ADARB2: variants seen among roughly 807,000 people sequenced by gnomAD.
The protein encoded by ADARB2 is adenosine deaminase RNA specific B2 (inactive), also known as inactive double-stranded RNA-specific editase B2.
A neutral mutation model predicts 62.2 loss-of-function variants in ADARB2; 25 were observed. The observed-to-expected ratio is 0.40, with a 90% confidence interval of 0.29 to 0.56. The LOEUF is 0.56. Among genes scored for constraint, ADARB2 ranks in the 20% least tolerant of loss-of-function variants. The pLI, the probability that ADARB2 is intolerant of heterozygous loss-of-function variation, is 0.43. For synonymous variants in ADARB2, 572 were observed against 500.8 expected, an observed-to-expected ratio of 1.14 and a Z score of -1.90; for missense variants, 1,071 against 1,077.4, an observed-to-expected ratio of 0.99 and a Z score of 0.08.
chr10:1,489,003 T>C (rs751943849), intron 1 of ADARB2, among the ~76,000 whole-genome samples: 1 of 152,238 alleles, frequency 6.6e-6, no homozygotes, highest in Non-Finnish European at 1.5e-5. Context: ...ATTGTGCAGC[T>C]TCAGGGGGCA....
chr10:1,509,271 C>T (rs1831892439), intron 1 of ADARB2, among the ~76,000 whole-genome samples: 2 of 152,304 alleles, frequency 1.3e-5, no homozygotes, highest in South Asian at 4.1e-4. Flanking sequence ...TATGACCTCA[C>T]TGTCGGAGAT....
chr10:1,493,016 G>A lies in ADARB2; in HGVS notation c.101-113856C>T, dbSNP rs1351576609. Among the ~76,000 whole-genome samples, 4 of 152,168 alleles carry A rather than the reference G, an allele frequency of 2.6e-5. No homozygotes were observed. The East Asian group carries it at 7.7e-4, about 29-fold the overall frequency. On this transcript the variant is annotated intron_variant, in intron 1 of 9. Coordinates refer to ENST00000381312, the MANE Select transcript of ADARB2 (RefSeq NM_018702.4). ...ACTGTGACTTTAAAACCCTAAAAGG[G>A]ACAGGTCACAGCACATTTTTAAAGT...
chr10:1,616,888 G>A (rs1371766990), intron 1 of ADARB2, among the ~76,000 whole-genome samples: 2 of 146,780 alleles, frequency 1.4e-5, no homozygotes, highest in African/African-American at 2.5e-5. Context: ...GGCCTCAGAC[G>A]GTTGCATTCT....
intron 1 of ADARB2, among the ~76,000 whole-genome samples, chr10:1,694,914 C>G (rs1227031403): frequency 6.6e-6 from 1 of 152,086 alleles, no homozygotes; most frequent in Non-Finnish European, 1.5e-5. Context: ...CATCCTGGGG[C>G]TCCTTTTCAC....
At chr10:1,630,149 G>T (rs1833824227) in intron 1 of ADARB2, among the ~76,000 whole-genome samples, 1 of 152,200 alleles carries the variant, frequency 6.6e-6, no homozygotes, top group South Asian at 2.1e-4. Context: ...CTTAGAAATA[G>T]GAGATAATTA....
rs1427166485 is a variant in ADARB2 at position 1,372,407 on chromosome 10, G to C, written c.187+6667C>G. On this transcript the variant is annotated intron_variant, in intron 2 of 9. Coordinates refer to ENST00000381312, the MANE Select transcript of ADARB2 (RefSeq NM_018702.4). ...TACACTAGCAGCCCAATCCCCACCAGGGTGCAGTATACCCACGGGACAAAC... is the reference window on the plus strand; with the variant it reads ...TACACTAGCAGCCCAATCCCCACCACGGTGCAGTATACCCACGGGACAAAC... 2.6e-5 allele frequency among the ~76,000 whole-genome samples: 4 copies of C among 152,168 alleles called. No homozygotes were observed. The East Asian group carries it at 7.7e-4, about 29-fold the overall frequency.
intron 1 of ADARB2, among the ~76,000 whole-genome samples, chr10:1,673,806 C>T (rs1045475841): frequency 6.6e-6 from 1 of 152,250 alleles, no homozygotes; most frequent in Non-Finnish European, 1.5e-5. Flanking sequence ...GCTGGGCATA[C>T]CAGGAGGGGC....
chr10:1,326,915 C>CCAGCGCCTCCCCACTGCA lies in ADARB2; in HGVS notation c.1077+36112_1077+36113insTGCAGTGGGGAGGCGCTG, dbSNP rs1831859764. On this transcript the variant is annotated intron_variant, in intron 3 of 9. Transcript: ENST00000381312. ...CCACTGCCCAGCGCCTCCCCACTGCCCAGCGCCTCCCCACTGCCCAGCGCC... is the reference window on the plus strand; with the variant it reads ...CCACTGCCCAGCGCCTCCCCACTGCCCAGCGCCTCCCCACTGCACAGCGCCTCCCCACTGCCCAGCGCC... Among the ~76,000 whole-genome samples the CCAGCGCCTCCCCACTGCA allele has an allele frequency of 4.5e-5, 2 of 44,912 alleles. 1 individual carries two copies. Among genetic ancestry groups the CCAGCGCCTCCCCACTGCA allele is most frequent in the Admixed American group, 3.9e-4 (2 of 5,084 alleles). 29.5% of individuals were successfully genotyped at this position (44,912 alleles called of 152,430 possible). A position where few individuals can be genotyped will look rare whatever the true frequency, so the allele number is the denominator to read the frequency against.
chr10:1,416,918 C>T lies in ADARB2; in HGVS notation c.101-37758G>A, dbSNP rs115152857. The stretch of plus-strand genomic sequence containing the variant: ...CCACAGCTGAGAAGGGAGGTGGGTG[C>T]AGCACGGGTCCCCCTGAAACATTCC... On this transcript the variant is annotated intron_variant, in intron 1 of 9. Coordinates refer to ENST00000381312, the MANE Select transcript of ADARB2 (RefSeq NM_018702.4). Among the ~76,000 whole-genome samples, 1,203 of 152,324 alleles carry T rather than the reference C, an allele frequency of 7.9e-3. 7 individuals carry two copies. The highest frequency in any genetic ancestry group is 0.026 in the African/African-American group (1,099 of 41,574).
At chr10:1,394,350 G>T (rs543693199) in intron 1 of ADARB2, among the ~76,000 whole-genome samples, 2 of 152,290 alleles carry the variant, frequency 1.3e-5, no homozygotes, top group South Asian at 4.1e-4. Context: ...CTCAAGGCCC[G>T]CGGGTCACCT....
At chr10:1,278,119 G>T (rs141103903) in intron 3 of ADARB2, among the ~76,000 whole-genome samples, 2 of 151,876 alleles carry the variant, frequency 1.3e-5, no homozygotes, top group Admixed American at 6.6e-5. Context: ...ACAGGCGCGC[G>T]CCACTATGCC....
intron 1 of ADARB2, among the ~76,000 whole-genome samples, chr10:1,545,098 A>C (rs916005079): frequency 6.6e-6 from 1 of 151,918 alleles, no homozygotes; most frequent in Non-Finnish European, 1.5e-5. Context: ...CCATCTCTCC[A>C]CTTGTCTCAC....
intron 3 of ADARB2, among the ~76,000 whole-genome samples, chr10:1,329,163 G>A (rs914693581): frequency 7.9e-5 from 12 of 152,190 alleles, no homozygotes; most frequent in African/African-American, 2.4e-4. Flanking sequence ...AAAGCACTGC[G>A]ATATTACATT....
chr10:1,638,868 ATACT>A (rs1458564794), intron 1 of ADARB2, among the ~76,000 whole-genome samples: 2 of 152,204 alleles, frequency 1.3e-5, no homozygotes, highest in East Asian at 1.9e-4. Context: ...GGGGGCTCAC[ATACT>A]TCTCATCCGT....
At chr10:1,447,383 G>A (rs1255021901) in intron 1 of ADARB2, among the ~76,000 whole-genome samples, 1 of 152,124 alleles carries the variant, frequency 6.6e-6, no homozygotes, top group Non-Finnish European at 1.5e-5. Flanking sequence ...TTTCCCCTGT[G>A]GCTCATGGCA....
At chr10:1,678,843 C>T (rs937120209) in intron 1 of ADARB2, among the ~76,000 whole-genome samples, 3 of 151,922 alleles carry the variant, frequency 2.0e-5, no homozygotes, top group African/African-American at 7.3e-5. Context: ...GGGCACTTGT[C>T]CCTCCTGGAC....
At chr10:1,234,987 T>C (rs1830850880) in intron 5 of ADARB2, among the ~76,000 whole-genome samples, 1 of 152,106 alleles carries the variant, frequency 6.6e-6, no homozygotes. Flanking sequence ...CTTCAGGTGA[T>C]CCACCCGCCT....
intron 1 of ADARB2, among the ~76,000 whole-genome samples, chr10:1,451,198 C>A (rs12412544): frequency 6.6e-6 from 1 of 151,058 alleles, no homozygotes; most frequent in Non-Finnish European, 1.5e-5. Flanking sequence ...CAGGAGACAA[C>A]TAGGAATCAC....
chr10:1,493,979 C>A (rs1471839536), intron 1 of ADARB2, among the ~76,000 whole-genome samples: 1 of 151,840 alleles, frequency 6.6e-6, no homozygotes, highest in Non-Finnish European at 1.5e-5. Context: ...TGGTCTTCAA[C>A]TCCTGACCTT....
Sources: gnomAD v4.1 joint callset for allele counts (sites outside exome capture counted in the v4.1 genomes callset) on GRCh38, gnomAD v4.1.1 for gene constraint, MANE v1.5 for transcripts, NCBI Gene and HGNC (gene_info 2026-07-23, HGNC 2026-07-21) for gene names.